Variants in LEF1 observed in about 807,000 individuals in gnomAD.
LEF1 encodes the protein lymphoid enhancer-binding factor 1.
A neutral mutation model predicts 51.2 loss-of-function variants in LEF1; 14 were observed. That is an observed-to-expected ratio of 0.27 (90% CI 0.18 to 0.43). The LOEUF is 0.43. Among genes scored for constraint, LEF1 ranks in the 20% least tolerant of loss-of-function variants. The pLI, the probability that LEF1 is intolerant of heterozygous loss-of-function variation, is 1.00. For missense variants in LEF1, 386 were observed against 512.0 expected (o/e 0.75, Z 2.37); for synonymous variants, 185 against 183.2 (o/e 1.01, Z -0.08).
At chr4:108,164,972 T>G (rs1431174111) in intron 2 of LEF1, 125 bp downstream of exon 2, 2 of 721,752 alleles carry the variant, frequency 2.8e-6, no homozygotes, top group Non-Finnish European at 2.4e-6. Flanking sequence ...TCTTTACCAT[T>G]AAAATAGTGG....
At chr4:108,154,560 A>T (rs1175894615) in intron 3 of LEF1, among the ~76,000 whole-genome samples, 2 of 151,920 alleles carry the variant, frequency 1.3e-5, no homozygotes, top group Non-Finnish European at 2.9e-5. Flanking sequence ...TAAGAAAAAA[A>T]AATAATTCAA....
intron 7 of LEF1, 47 bp from the exon 8 acceptor site, chr4:108,078,429 G>A: frequency 6.2e-7 from 1 of 1,612,790 alleles, no homozygotes; most frequent in Non-Finnish European, 8.5e-7. Flanking sequence ...TTGAAGGAAT[G>A]AGGAAGGGAT....
Position 108,070,779 on chromosome 4 carries a change from G to C in LEF1, c.1009-9C>G. ...CGGGAGAGGGCATGCCACTAAAACA[G>C]AGAGGAAGGAAGAAAAAAACAAAAG... On this transcript the variant is annotated splice_polypyrimidine_tract_variant and intron_variant, in intron 8 of 11. Coordinates refer to ENST00000265165, the MANE Select transcript of LEF1 (RefSeq NM_016269.5). 6.3e-7 allele frequency: 1 copy of C among 1,583,428 alleles called. No individual in the cohort carries two copies. The highest frequency in any genetic ancestry group is 8.6e-7 in the Non-Finnish European group (1 of 1,156,914).
chr4:108,150,572 A>G (rs747232618), intron 3 of LEF1, among the ~76,000 whole-genome samples: 2 of 152,200 alleles, frequency 1.3e-5, no homozygotes, highest in Non-Finnish European at 2.9e-5. Context: ...AGTATAACAG[A>G]TACCTTTAAT....
chr4:108,161,375 A>G (rs551539107), intron 3 of LEF1, among the ~76,000 whole-genome samples: 43 of 152,362 alleles, frequency 2.8e-4, no homozygotes, highest in African/African-American at 9.9e-4. Flanking sequence ...TTAACAGAAT[A>G]AAGCAAAGCA....
At chr4:108,123,198 A>C (rs1742284042) in intron 3 of LEF1, among the ~76,000 whole-genome samples, 1 of 152,142 alleles carries the variant, frequency 6.6e-6, no homozygotes, top group Admixed American at 6.6e-5. Context: ...CTGTTGAGGA[A>C]ATTCTCAGCT....
intron 3 of LEF1, among the ~76,000 whole-genome samples, chr4:108,141,354 C>T (rs12503104): frequency 0.4 from 61,209 of 151,874 alleles, 12,885 homozygotes; most frequent in Middle Eastern, 0.57. Flanking sequence ...TGCTGGACAG[C>T]GTGACCAGTA....
At chr4:108,099,607 T>TATAA in intron 3 of LEF1, among the ~76,000 whole-genome samples, 2 of 121,490 alleles carry the variant, frequency 1.6e-5, no homozygotes, top group Non-Finnish European at 3.4e-5. Context: ...TATATATATA[T>TATAA]ATATATATAT....
At chr4:108,121,436 A>T (rs1412514141) in intron 3 of LEF1, among the ~76,000 whole-genome samples, 1 of 152,180 alleles carries the variant, frequency 6.6e-6, no homozygotes, top group African/African-American at 2.4e-5. Flanking sequence ...TACTAAACCA[A>T]TGCTGCTGCT....
At chr4:108,154,927 G>T (rs1744599068) in intron 3 of LEF1, among the ~76,000 whole-genome samples, 1 of 152,132 alleles carries the variant, frequency 6.6e-6, no homozygotes, top group Non-Finnish European at 1.5e-5. Context: ...TTCCCAGGAG[G>T]CTAGAAAAAC....
At position 108,079,661 on chromosome 4, in the gene LEF1, G is replaced by A. The variant is rs1260730175; in HGVS notation, c.723-47C>T. On this transcript the variant is annotated intron_variant, in intron 6 of 11. Coordinates refer to ENST00000265165, the MANE Select transcript of LEF1 (RefSeq NM_016269.5). ...AAACAATGTACTACTGGCTGTTGCA[G>A]CAAAAGCTAGATGGAATTTCAAAGC... 4.4e-6 allele frequency: 7 copies of A among 1,608,134 alleles called. No homozygotes were observed. The African/African-American group carries it at 5.3e-5, about 12-fold the overall frequency.
chr4:108,110,363 A>G (rs1161615801), intron 3 of LEF1, among the ~76,000 whole-genome samples: 1 of 152,180 alleles, frequency 6.6e-6, no homozygotes, highest in African/African-American at 2.4e-5. Context: ...GGCATTTACT[A>G]TCTCTACAAC....
intron 3 of LEF1, among the ~76,000 whole-genome samples, chr4:108,156,274 T>TC: frequency 6.6e-6 from 1 of 152,200 alleles, no homozygotes; most frequent in African/African-American, 2.4e-5. Flanking sequence ...AGTAGTGCAC[T>TC]CCCCCGGCTG....
intron 3 of LEF1, among the ~76,000 whole-genome samples, chr4:108,124,907 T>C (rs1458080637): frequency 6.6e-6 from 1 of 152,196 alleles, no homozygotes; most frequent in Non-Finnish European, 1.5e-5. Flanking sequence ...TTCCATACAC[T>C]TGGATGGGGC....
At chr4:108,101,988 A>C (rs949043274) in intron 3 of LEF1, among the ~76,000 whole-genome samples, 2 of 151,326 alleles carry the variant, frequency 1.3e-5, no homozygotes, top group South Asian at 4.2e-4. Flanking sequence ...TGAACCCATG[A>C]GGCAGAGCTT....
chr4:108,101,245 T>C (rs1178824339), intron 3 of LEF1, among the ~76,000 whole-genome samples: 2 of 152,114 alleles, frequency 1.3e-5, no homozygotes, highest in Non-Finnish European at 2.9e-5. Context: ...AAAAAGCAAA[T>C]AATTGAGACT....
intron 3 of LEF1, among the ~76,000 whole-genome samples, chr4:108,157,863 T>C (rs895130537): frequency 6.6e-6 from 1 of 152,222 alleles, no homozygotes; most frequent in Non-Finnish European, 1.5e-5. Flanking sequence ...CTACAGTGGG[T>C]ATTATACAAA....
intron 3 of LEF1, among the ~76,000 whole-genome samples, chr4:108,137,417 A>C (rs1246013577): frequency 6.6e-6 from 1 of 152,238 alleles, no homozygotes; most frequent in Non-Finnish European, 1.5e-5. Context: ...TCCAAGTAAT[A>C]TTTTAAACAT....
chr4:108,125,721 T>C (rs1742485042), intron 3 of LEF1, among the ~76,000 whole-genome samples: 1 of 151,314 alleles, frequency 6.6e-6, no homozygotes, highest in Non-Finnish European at 1.5e-5. Flanking sequence ...GGGATTTTTT[T>C]TTTTTTTTAG....
Sources: allele counts gnomAD v4.1 joint callset (sites outside exome capture counted in the v4.1 genomes callset), GRCh38; gene constraint gnomAD v4.1.1; transcripts MANE v1.5; gene names NCBI Gene and HGNC (gene_info 2026-07-23, HGNC 2026-07-21).